The following MAP3K13 variants were observed in gnomAD, a reference collection of about 807,000 sequenced individuals.
The protein encoded by MAP3K13 is mitogen-activated protein kinase kinase kinase 13.
MAP3K13 carries 52 observed loss-of-function variants against 104.0 expected under a neutral mutation model. That is an observed-to-expected ratio of 0.50 (90% confidence interval 0.40 to 0.63). The LOEUF (loss-of-function observed/expected upper bound fraction) is 0.63, where lower values mean the gene tolerates loss of function less well. MAP3K13 is among the 20% of genes least tolerant of loss of function. The pLI, the probability that MAP3K13 is intolerant of heterozygous loss-of-function variation, is 0.00. For synonymous variants in MAP3K13, 394 were observed against 442.2 expected, an observed-to-expected ratio of 0.89 and a Z score of 1.37; for missense variants, 914 against 1,218.5, an observed-to-expected ratio of 0.75 and a Z score of 3.72.
At chr3:185,292,037 G>C in intron 2 of MAP3K13, 1 of 985,882 alleles carries the variant, frequency 1.0e-6, no homozygotes, top group Non-Finnish European at 1.2e-6. Context: ...GGGCACGGTG[G>C]CTCATGCCTG....
At chr3:185,307,750 G>A (rs1721346358) in intron 2 of MAP3K13, among the ~76,000 whole-genome samples, 1 of 151,382 alleles carries the variant, frequency 6.6e-6, no homozygotes, top group Admixed American at 6.6e-5. Context: ...CACCATGTTG[G>A]CCAGGCTGGT....
intron 5 of MAP3K13, among the ~76,000 whole-genome samples, chr3:185,448,784 G>A (rs534313699): frequency 6.6e-6 from 1 of 152,214 alleles, no homozygotes; most frequent in South Asian, 2.1e-4. Context: ...GTAAAAAAAC[G>A]GTATCTTGGG....
chr3:185,339,416 C>G (rs921367084), intron 2 of MAP3K13, among the ~76,000 whole-genome samples: 3 of 152,154 alleles, frequency 2.0e-5, no homozygotes, highest in African/African-American at 7.2e-5. Flanking sequence ...TTCTGCAGAC[C>G]AGCAGCATCA....
At chr3:185,401,380 C>G (rs531740301) in intron 1 of MAP3K13, among the ~76,000 whole-genome samples, 27 of 150,494 alleles carry the variant, frequency 1.8e-4, no homozygotes, top group African/African-American at 6.6e-4. Flanking sequence ...AATCTGACAG[C>G]ACTGTATCCT....
chr3:185,486,370 G>A lies in MAP3K13; in HGVS notation c.*3914G>A, dbSNP rs1220295307. The A allele has an allele frequency of 6.6e-6, 1 of 152,148 alleles. No individual in the cohort carries two copies. The highest frequency in any genetic ancestry group is 1.9e-4 in the East Asian group (1 of 5,192). 9.4% of individuals were successfully genotyped at this position (152,148 alleles called of 1,614,324 possible). A position where few individuals can be genotyped will look rare whatever the true frequency, so the allele number is the denominator to read the frequency against. The stretch of plus-strand genomic sequence containing the variant: ...CATATTGAACACATTTTTTTAAGTA[G>A]AATTGACTAGAGGTTTCAGAGGAGA... On this transcript the variant is annotated 3_prime_UTR_variant, in exon 14 of 14. Coordinates refer to ENST00000265026, the MANE Select transcript of MAP3K13 (RefSeq NM_004721.5).
intron 10 of MAP3K13, among the ~76,000 whole-genome samples, chr3:185,467,252 G>A (rs1045768110): frequency 2.6e-5 from 4 of 152,186 alleles, no homozygotes; most frequent in African/African-American, 9.7e-5. Flanking sequence ...TATAAGCTGT[G>A]TGAGTTGACC....
chr3:185,346,353 T>C (rs909935830), intron 2 of MAP3K13, among the ~76,000 whole-genome samples: 2 of 152,226 alleles, frequency 1.3e-5, no homozygotes, highest in African/African-American at 4.8e-5. Flanking sequence ...GAGATAGGCA[T>C]GATATATGTA....
intron 1 of MAP3K13, among the ~76,000 whole-genome samples, chr3:185,387,055 A>G (rs140128470): frequency 6.6e-6 from 1 of 152,328 alleles, no homozygotes; most frequent in African/African-American, 2.4e-5. Flanking sequence ...GTATCTCTGA[A>G]CTTAAAATAA....
chr3:185,443,557 G>T lies in MAP3K13; in HGVS notation c.772G>T (p.Asp258Tyr), dbSNP rs1355727296. ...GAAGATCACACCTCGATTGCTAGTAGACTGGTCCACAGGAATTGCAAGTGG... is the reference window on the plus strand; with the variant it reads ...GAAGATCACACCTCGATTGCTAGTATACTGGTCCACAGGAATTGCAAGTGG... ...GRKITPRLLV[D>Y]WSTGIASGMN... The change falls in exon 4 of 14, where the codon GAC becomes TAC. Residue 258 changes from aspartate (D) to tyrosine (Y), a missense_variant. Physicochemically the swap from Asp to Tyr is radical, Grantham distance 160. Around this residue, in one of 3 missense-constraint regions of MAP3K13, gnomAD observed 175 missense variants for 321.3 expected, o/e 0.54. Transcript: ENST00000265026. 1.2e-6 allele frequency: 2 copies of T among 1,613,990 alleles called. No individual in the cohort carries two copies. Among genetic ancestry groups the T allele is most frequent in the African/African-American group, 2.7e-5 (2 of 74,932 alleles).
At chr3:185,400,635 G>C (rs1712738722) in intron 1 of MAP3K13, among the ~76,000 whole-genome samples, 1 of 152,284 alleles carries the variant, frequency 6.6e-6, no homozygotes, top group Admixed American at 6.5e-5. Context: ...TCACAGGGCT[G>C]TGGTGAGAAC....
intron 1 of MAP3K13, among the ~76,000 whole-genome samples, chr3:185,417,072 T>C (rs7635701): frequency 0.99 from 151,115 of 152,270 alleles, 74,993 homozygotes; most frequent in Middle Eastern, 1. Context: ...AGGAAATGGT[T>C]ACAAAATAAA....
intron 2 of MAP3K13, among the ~76,000 whole-genome samples, chr3:185,307,283 C>T (rs1015372441): frequency 6.6e-6 from 1 of 150,512 alleles, no homozygotes; most frequent in African/African-American, 2.4e-5. Flanking sequence ...GTCCTTTTCT[C>T]TCTCTCTCTC....
At chr3:185,472,125 G>A (rs1717831154) in intron 10 of MAP3K13, among the ~76,000 whole-genome samples, 1 of 151,222 alleles carries the variant, frequency 6.6e-6, no homozygotes, top group African/African-American at 2.4e-5. Flanking sequence ...GCATGAGTAA[G>A]ATGAATTTTT....
intron 7 of MAP3K13, among the ~76,000 whole-genome samples, chr3:185,459,976 G>A (rs1158672146): frequency 6.6e-6 from 1 of 151,990 alleles, no homozygotes; most frequent in African/African-American, 2.4e-5. Context: ...ATATTTGTTC[G>A]TTTGTGCCTG....
chr3:185,414,993 G>C (rs917280685), intron 1 of MAP3K13, among the ~76,000 whole-genome samples: 1 of 152,058 alleles, frequency 6.6e-6, no homozygotes, highest in African/African-American at 2.4e-5. Context: ...GCAATATAGT[G>C]AGATCCTGTC....
chr3:185,428,361 A>G (rs1179418713), intron 1 of MAP3K13, 136 bp from the exon 2 acceptor site: 4 of 464,714 alleles, frequency 8.6e-6, no homozygotes, highest in African/African-American at 1.9e-5. Context: ...TCATTGCTGC[A>G]CTCATTTCCA....
At chr3:185,317,846 A>G (rs963570972) in intron 2 of MAP3K13, among the ~76,000 whole-genome samples, 1 of 152,184 alleles carries the variant, frequency 6.6e-6, no homozygotes, top group African/African-American at 2.4e-5. Flanking sequence ...GACAGATACT[A>G]CTTGGCATAC....
Position 185,418,731 on chromosome 3 carries a change from C to G in MAP3K13, c.-85-9766C>G. ...GCTAAGTGACATTTTTGCCAGATGA[C>G]TCCCCCTTTTCGGAGTACACCGATA... On this transcript the variant is annotated intron_variant, in intron 1 of 13. Transcript: ENST00000265026. The surrounding 1 kb of genome is among the most constrained non-coding windows in gnomAD (Gnocchi z 4.5). 8 of 1,610,276 alleles carry G rather than the reference C, an allele frequency of 5.0e-6. No individual in the cohort carries two copies. Among genetic ancestry groups the G allele is most frequent in the Non-Finnish European group, 5.1e-6 (6 of 1,177,144 alleles).
At chr3:185,304,654 G>A (rs1721216450) in intron 2 of MAP3K13, among the ~76,000 whole-genome samples, 1 of 150,998 alleles carries the variant, frequency 6.6e-6, no homozygotes, top group Admixed American at 6.6e-5. Context: ...TTTTTTTTGA[G>A]ACAGAGTCTC....
Sources: allele counts gnomAD v4.1 joint callset (sites outside exome capture counted in the v4.1 genomes callset), GRCh38; gene constraint gnomAD v4.1.1; regional missense constraint gnomAD v4.1.1; non-coding constraint Gnocchi (gnomAD v3.1); transcripts MANE v1.5; gene names NCBI Gene and HGNC (gene_info 2026-07-23, HGNC 2026-07-21).